PBX1: variants seen among roughly 807,000 people sequenced by gnomAD.
PBX1 encodes PBX homeobox 1.
Under a neutral mutation model 53.4 loss-of-function variants are expected in PBX1, and 6 were observed. The observed-to-expected ratio is 0.11, with a 90% CI of 0.06 to 0.22. PBX1 has a LOEUF of 0.22. Ranked by LOEUF, PBX1 falls within the 10% of genes least tolerant of loss-of-function variation. The pLI, the probability that PBX1 is intolerant of heterozygous loss-of-function variation, is 1.00. For missense variants in PBX1, 251 were observed against 551.4 expected, an observed-to-expected ratio of 0.46 and a Z score of 5.46; for synonymous variants, 204 against 212.3, an observed-to-expected ratio of 0.96 and a Z score of 0.34.
intron 2 of PBX1, among the ~76,000 whole-genome samples, chr1:164,643,534 C>A (rs1453098955): frequency 6.6e-6 from 1 of 152,088 alleles, no homozygotes; most frequent in Non-Finnish European, 1.5e-5. Context: ...ATGTGACCTC[C>A]CACCATGTGC....
At chr1:164,881,591 G>GAAA (rs1491106688) in intron 2 of PBX1, among the ~76,000 whole-genome samples, 8 of 136,152 alleles carry the variant, frequency 5.9e-5, no homozygotes, top group African/African-American at 2.0e-4. Flanking sequence ...AAGGAAGGGA[G>GAAA]GAAGGAAAGG....
Position 164,849,432 on chromosome 1 carries a change from A to G in PBX1, c.*2756A>G. The G allele has an allele frequency of 1.3e-6, 2 of 1,535,458 alleles. No homozygotes were observed. The highest frequency in any genetic ancestry group is 1.7e-6 in the Non-Finnish European group (2 of 1,146,656). ...TGTCCACATTAGGCGAAGCAGGAGA[A>G]CACTGAGAGCAGCAGGATGGGTTTG... On this transcript the variant is annotated 3_prime_UTR_variant, in exon 9 of 9. Coordinates refer to ENST00000420696, the MANE Select transcript of PBX1 (RefSeq NM_002585.4).
chr1:164,735,180 G>A lies in PBX1; in HGVS notation c.266-57314G>A, dbSNP rs561569590. Among the ~76,000 whole-genome samples the A allele has an allele frequency of 2.0e-5, 3 of 152,284 alleles. No individual in the cohort carries two copies. The East Asian group carries it at 5.8e-4, about 29-fold the overall frequency. ...TGAAAAAATCTTGCTTTTGTAAAAT[G>A]AACTGTTTAGATAGAAGTATCCATT... On this transcript the variant is annotated intron_variant, in intron 2 of 8. Coordinates refer to ENST00000420696, the MANE Select transcript of PBX1 (RefSeq NM_002585.4).
intron 2 of PBX1, among the ~76,000 whole-genome samples, chr1:164,721,407 T>C (rs1664398330): frequency 1.3e-5 from 2 of 151,734 alleles, no homozygotes; most frequent in African/African-American, 4.8e-5. Flanking sequence ...ACACTCCATC[T>C]GTAAAATTGG....
At chr1:164,583,907 A>G (rs567049722) in intron 2 of PBX1, among the ~76,000 whole-genome samples, 1 of 152,318 alleles carries the variant, frequency 6.6e-6, no homozygotes, top group East Asian at 1.9e-4. Flanking sequence ...GCCCTTGAAG[A>G]TAACTTAAGT....
At chr1:164,686,108 AC>A (rs1662076614) in intron 2 of PBX1, among the ~76,000 whole-genome samples, 1 of 152,188 alleles carries the variant, frequency 6.6e-6, no homozygotes, top group South Asian at 2.1e-4. Flanking sequence ...GGGGAGAGCT[AC>A]CTACAGGGCG....
At chr1:164,636,502 G>A (rs1658788455) in intron 2 of PBX1, among the ~76,000 whole-genome samples, 1 of 152,106 alleles carries the variant, frequency 6.6e-6, no homozygotes, top group African/African-American at 2.4e-5. Context: ...CACCAGAGTT[G>A]GAACGTGAAG....
At chr1:164,655,023 A>G (rs1204838756) in intron 2 of PBX1, among the ~76,000 whole-genome samples, 1 of 151,646 alleles carries the variant, frequency 6.6e-6, no homozygotes, top group Non-Finnish European at 1.5e-5. Context: ...AACTCAGGGG[A>G]AGAACTGATT....
chr1:164,567,444 T>G (rs1301624201), intron 2 of PBX1, among the ~76,000 whole-genome samples: 1 of 152,130 alleles, frequency 6.6e-6, no homozygotes, highest in Non-Finnish European at 1.5e-5. Context: ...TTCATTTTTT[T>G]TTTTTCTCCC....
At chr1:164,570,001 A>C (rs1653735479) in intron 2 of PBX1, among the ~76,000 whole-genome samples, 1 of 152,196 alleles carries the variant, frequency 6.6e-6, no homozygotes, top group African/African-American at 2.4e-5. Flanking sequence ...TTAAACTACA[A>C]ACTGGACAAC....
chr1:164,793,491 C>T (rs1668625635), intron 3 of PBX1, among the ~76,000 whole-genome samples: 1 of 152,068 alleles, frequency 6.6e-6, no homozygotes, highest in East Asian at 1.9e-4. Flanking sequence ...TGTGAAGGAC[C>T]ATAAAACTTA....
intron 2 of PBX1, among the ~76,000 whole-genome samples, chr1:164,858,637 A>G (rs1384402128): frequency 1.3e-5 from 2 of 152,206 alleles, no homozygotes; most frequent in Non-Finnish European, 2.9e-5. Context: ...GTGACTGTGC[A>G]GTGTGGCCCA....
chr1:164,689,429 T>C (rs1332781721), intron 2 of PBX1, among the ~76,000 whole-genome samples: 3 of 152,156 alleles, frequency 2.0e-5, no homozygotes, highest in Non-Finnish European at 4.4e-5. Context: ...TCCAAAGATA[T>C]TGATGAGCAT....
chr1:164,663,748 G>A (rs1330624826), intron 2 of PBX1, among the ~76,000 whole-genome samples: 1 of 152,220 alleles, frequency 6.6e-6, no homozygotes, highest in African/African-American at 2.4e-5. Flanking sequence ...AGCAAAGTAT[G>A]TTGAAGTGTG....
rs74911334 is a variant in PBX1 at position 164,665,753 on chromosome 1, G to A, written c.265+102442G>A. 5.0e-3 allele frequency among the ~76,000 whole-genome samples: 769 copies of A among 152,278 alleles called. 3 individuals are homozygous for A. Among genetic ancestry groups the A allele is most frequent in the African/African-American group, 0.017 (721 of 41,544 alleles). On this transcript the variant is annotated intron_variant, in intron 2 of 8. Coordinates refer to ENST00000420696, the MANE Select transcript of PBX1 (RefSeq NM_002585.4). ...CAGGACACTCAGGACCTAACATCAG[G>A]AATGTGGCCGCTTCCACCCCTAAAC...
intron 2 of PBX1, among the ~76,000 whole-genome samples, chr1:164,742,826 G>A (rs1466816022): frequency 1.3e-5 from 2 of 152,196 alleles, no homozygotes; most frequent in Non-Finnish European, 1.5e-5. Flanking sequence ...TCTACAGAAT[G>A]AGGTTAATAG....
chr1:164,787,437 C>G (rs1668259285), intron 2 of PBX1, among the ~76,000 whole-genome samples: 1 of 152,162 alleles, frequency 6.6e-6, no homozygotes, highest in African/African-American at 2.4e-5. Flanking sequence ...CAGCATGAAC[C>G]TGGACACTTG....
At chr1:164,734,912 A>G (rs114060815) in intron 2 of PBX1, among the ~76,000 whole-genome samples, 3,854 of 152,290 alleles carry the variant, frequency 0.025, 69 homozygotes, top group Non-Finnish European at 0.037. Flanking sequence ...ATGACTTATT[A>G]TTTTCCAAGC....
At chr1:164,625,963 A>G (rs780562822) in intron 2 of PBX1, 28 of 1,039,240 alleles carry the variant, frequency 2.7e-5, no homozygotes, top group Non-Finnish European at 3.1e-5. Context: ...ACTGCCCCTC[A>G]TTGTTCTTTT....
Sources: gnomAD v4.1 joint callset for allele counts (sites outside exome capture counted in the v4.1 genomes callset) on GRCh38, gnomAD v4.1.1 for gene constraint, MANE v1.5 for transcripts, NCBI Gene and HGNC (gene_info 2026-07-23, HGNC 2026-07-21) for gene names.